Variants in HDX observed in about 807,000 individuals in gnomAD.
HDX encodes highly divergent homeobox, also known as chromosome X open reading frame 43.
A neutral mutation model predicts 45.2 loss-of-function variants in HDX; 19 were observed. The observed-to-expected ratio is 0.42, with a 90% CI of 0.29 to 0.62. The LOEUF is 0.62. HDX is among the 20% of genes least tolerant of loss of function. The probability of loss-of-function intolerance (pLI) is 0.20; values close to 1 mark genes in which losing one functional copy is unlikely to be tolerated. For missense variants in HDX, 532 were observed against 493.9 expected, an observed-to-expected ratio of 1.08 and a Z score of -0.73; for synonymous variants, 188 against 172.8, an observed-to-expected ratio of 1.09 and a Z score of -0.69.
rs191740790 is a variant in HDX, at chrX:84,414,095, T to G, written c.1305+26437A>C. 3.9e-4 allele frequency among the ~76,000 whole-genome samples: 44 copies of G among 111,841 alleles called. No individual in the cohort carries two copies. In the East Asian group the frequency reaches 0.012, roughly 31 times the overall value. On this transcript the variant is annotated intron_variant, in intron 5 of 10. Coordinates refer to ENST00000373177, the MANE Select transcript of HDX (RefSeq NM_001177479.2). ...TTAAAAAGTTTGGTAACATGAAATT[T>G]TATAATAAGACTCAATTACTGCCAG...
chrX:84,437,518 A>T (rs748749031), intron 5 of HDX, among the ~76,000 whole-genome samples: 4 of 111,336 alleles, frequency 3.6e-5, no homozygotes, highest in Non-Finnish European at 5.7e-5. Context: ...TTCCAATAAT[A>T]GTTCAACTTT....
chrX:84,398,935 A>G, intron 5 of HDX, among the ~76,000 whole-genome samples: 1 of 112,076 alleles, frequency 8.9e-6, no homozygotes. Flanking sequence ...ACACAATAAC[A>G]TGAAAATTGA....
Position 84,346,699 on chromosome X carries a change from C to A in HDX, c.1453-2242G>T, listed in dbSNP as rs1439130745. Among the ~76,000 whole-genome samples the A allele has an allele frequency of 9.0e-5, 10 of 110,880 alleles. No individual in the cohort carries two copies. In the South Asian group the frequency reaches 1.5e-3, roughly 17 times the overall value. ...ATATTCATAGGAAAACAAAAATGGA[C>A]CTTGTTCTAAATCTCACACCTTATA... is the stretch of plus-strand genomic sequence containing the variant. On this transcript the variant is annotated intron_variant, in intron 6 of 10. Coordinates refer to ENST00000373177, the MANE Select transcript of HDX (RefSeq NM_001177479.2).
At chrX:84,417,383 T>C (rs988980179) in intron 5 of HDX, among the ~76,000 whole-genome samples, 2 of 111,675 alleles carry the variant, frequency 1.8e-5, no homozygotes, top group African/African-American at 6.5e-5. Flanking sequence ...AAAACTGAGA[T>C]CAGCAGCAGA....
At position 84,337,134 on chromosome X, in the gene HDX, T is replaced by C. The variant is rs755842900; in HGVS notation, c.1661-254A>G. Among the ~76,000 whole-genome samples, 7 of 110,086 alleles carry C rather than the reference T, an allele frequency of 6.4e-5. No individual in the cohort carries two copies. The South Asian group carries it at 2.7e-3, about 42-fold the overall frequency. ...CGGACAAAAACTGTATCCTTAACAA[T>C]GGAGGAATAGAGAAATTTAGAATCT... On this transcript the variant is annotated intron_variant, in intron 7 of 10. Coordinates refer to ENST00000373177, the MANE Select transcript of HDX (RefSeq NM_001177479.2).
At chrX:84,455,956 G>T (rs2040103715) in intron 4 of HDX, among the ~76,000 whole-genome samples, 1 of 112,037 alleles carries the variant, frequency 8.9e-6, no homozygotes, top group South Asian at 3.7e-4. Context: ...AATTGTCCTA[G>T]AATAGTGTAT....
intron 5 of HDX, among the ~76,000 whole-genome samples, chrX:84,418,765 G>C (rs1418494349): frequency 6.3e-5 from 7 of 111,088 alleles, no homozygotes; most frequent in East Asian, 2.9e-4. Flanking sequence ...GTGGGGGTGT[G>C]GGGGGGAAGG....
At chrX:84,448,502 C>A (rs769095897) in intron 4 of HDX, among the ~76,000 whole-genome samples, 1 of 111,037 alleles carries the variant, frequency 9.0e-6, no homozygotes, top group Admixed American at 9.5e-5. Flanking sequence ...AAAAATCACA[C>A]CCTAAGCACT....
At chrX:84,485,345 A>C (rs910423362) in intron 2 of HDX, among the ~76,000 whole-genome samples, 1 of 111,939 alleles carries the variant, frequency 8.9e-6, no homozygotes, top group African/African-American at 3.3e-5. Context: ...GAATGGTGTA[A>C]TCTCCATCTA....
rs1394753613 is a variant in HDX, at chrX:84,319,032, A to C, written c.*2857T>G. On this transcript the variant is annotated 3_prime_UTR_variant, in exon 11 of 11. Transcript: ENST00000373177. Reference sequence around the variant, plus strand: ...TTTTTTTCATATGTACACATTTTGGAAGGTAAGTGCTCTTACATACACATT... The same window carrying C: ...TTTTTTTCATATGTACACATTTTGGCAGGTAAGTGCTCTTACATACACATT... 9.0e-6 allele frequency: 1 copy of C among 111,317 alleles called. No homozygotes were observed. The highest frequency in any genetic ancestry group is 2.8e-4 in the East Asian group (1 of 3,569). The allele number at this position is 111,317 out of a possible 1,213,427, so 9.2% of individuals were successfully genotyped here.
chrX:84,368,718 C>CAT (rs766595132), intron 5 of HDX, among the ~76,000 whole-genome samples: 4 of 111,771 alleles, frequency 3.6e-5, no homozygotes, highest in African/African-American at 9.7e-5. Flanking sequence ...AGAACTTTTT[C>CAT]ATATCCATTA....
Position 84,321,348 on chromosome X carries a change from A to C in HDX, c.*541T>G, listed in dbSNP as rs1264567217. On this transcript the variant is annotated 3_prime_UTR_variant, in exon 11 of 11. Coordinates refer to ENST00000373177, the MANE Select transcript of HDX (RefSeq NM_001177479.2). Reference sequence around the variant, plus strand: ...ACATACCTGTAATCATTTAATTTTCAGTCATTAGTTTAAGTCAAATTTTCA... The same window carrying C: ...ACATACCTGTAATCATTTAATTTTCCGTCATTAGTTTAAGTCAAATTTTCA... 1 of 111,088 alleles carries C rather than the reference A, an allele frequency of 9.0e-6. No homozygotes were observed. The highest frequency in any genetic ancestry group is 3.3e-5 in the African/African-American group (1 of 30,755). 9.2% of individuals were successfully genotyped at this position (111,088 alleles called of 1,213,427 possible).
At chrX:84,347,951 T>G (rs761232706) in intron 6 of HDX, among the ~76,000 whole-genome samples, 12 of 111,515 alleles carry the variant, frequency 1.1e-4, no homozygotes, top group Non-Finnish European at 1.9e-4. Flanking sequence ...TGTTTTGCAT[T>G]TATCCTGCTT....
chrX:84,356,521 A>G (rs2037487302), intron 6 of HDX, among the ~76,000 whole-genome samples: 1 of 110,581 alleles, frequency 9.0e-6, no homozygotes, highest in Non-Finnish European at 1.9e-5. Flanking sequence ...CAAAGGGGGA[A>G]CTGATGTTAA....
intron 10 of HDX, among the ~76,000 whole-genome samples, chrX:84,325,798 A>G (rs1191416368): frequency 8.9e-6 from 1 of 111,810 alleles, no homozygotes; most frequent in Non-Finnish European, 1.9e-5. Flanking sequence ...AAGATCCAGA[A>G]GAGATGCAAA....
chrX:84,323,578 T>C (rs2147746655), intron 10 of HDX, among the ~76,000 whole-genome samples: 1 of 111,908 alleles, frequency 8.9e-6, no homozygotes, highest in African/African-American at 3.2e-5. Flanking sequence ...CATTATTATT[T>C]ATTTCTTTGT....
chrX:84,380,284 C>T (rs1239053651), intron 5 of HDX, among the ~76,000 whole-genome samples: 6 of 108,855 alleles, frequency 5.5e-5, no homozygotes, highest in Non-Finnish European at 1.2e-4. Flanking sequence ...TCAATTTTGG[C>T]AAACATTTAA....
intron 6 of HDX, among the ~76,000 whole-genome samples, chrX:84,357,884 A>T (rs2037524672): frequency 8.9e-6 from 1 of 112,062 alleles, no homozygotes; most frequent in African/African-American, 3.2e-5. Flanking sequence ...AGTTTCCAGA[A>T]ATCCTTGTTA....
intron 2 of HDX, among the ~76,000 whole-genome samples, chrX:84,477,517 C>A (rs1641977631): frequency 9.0e-6 from 1 of 111,513 alleles, no homozygotes; most frequent in Non-Finnish European, 1.9e-5. Context: ...ATGCAGGGAC[C>A]TTTTAGTTTT....
Sources: gnomAD v4.1 joint callset for allele counts (sites outside exome capture counted in the v4.1 genomes callset) on GRCh38, gnomAD v4.1.1 for gene constraint, MANE v1.5 for transcripts, NCBI Gene and HGNC (gene_info 2026-07-23, HGNC 2026-07-21) for gene names.